Variants in PTGER3 observed in about 807,000 individuals in gnomAD.
PTGER3 encodes prostaglandin E receptor 3.
PTGER3 carries 22 observed loss-of-function variants against 34.7 expected under a neutral mutation model. That is an observed-to-expected ratio of 0.63 (90% CI 0.45 to 0.91). The LOEUF is 0.91. Ranked by LOEUF, PTGER3 falls within the 40% of genes least tolerant of loss-of-function variation. The pLI is 0.00. For missense variants in PTGER3, 468 were observed against 519.4 expected, an observed-to-expected ratio of 0.90 and a Z score of 0.96; for synonymous variants, 241 against 230.1, an observed-to-expected ratio of 1.05 and a Z score of -0.43.
chr1:70,944,241 G>A (rs915317710), intron 4 of PTGER3, among the ~76,000 whole-genome samples: 2 of 152,080 alleles, frequency 1.3e-5, no homozygotes, highest in Non-Finnish European at 2.9e-5. Flanking sequence ...AAGGGACATA[G>A]AGATATATGA....
At chr1:70,952,881 G>T (rs764892957) in exon 4 of PTGER3, 2 of 1,566,290 alleles carry the variant, frequency 1.3e-6, no homozygotes, top group Non-Finnish European at 1.7e-6. Context: ...TTAAAACACA[G>T]CACTCCTGTA....
intron 4 of PTGER3, among the ~76,000 whole-genome samples, chr1:70,868,543 T>C (rs1646094379): frequency 6.6e-6 from 1 of 152,170 alleles, no homozygotes. Context: ...GAAGCTTGTG[T>C]GCAGGTAGAA....
chr1:70,910,834 G>A (rs948878566), intron 4 of PTGER3, among the ~76,000 whole-genome samples: 1 of 152,158 alleles, frequency 6.6e-6, no homozygotes, highest in African/African-American at 2.4e-5. Context: ...TGTAATCCCA[G>A]CACTTTGGGA....
At chr1:70,886,164 T>G (rs1229074928) in intron 4 of PTGER3, 6 of 326,462 alleles carry the variant, frequency 1.8e-5, no homozygotes, top group South Asian at 9.3e-5. Flanking sequence ...ATAATGGGAT[T>G]AATGCCCTTT....
intron 2 of PTGER3, among the ~76,000 whole-genome samples, chr1:70,986,394 C>T (rs1402165798): frequency 1.3e-5 from 2 of 152,110 alleles, no homozygotes; most frequent in African/African-American, 4.8e-5. Flanking sequence ...GGATTGGGAC[C>T]CCTTTCCTGT....
At chr1:70,997,729 T>TA in intron 2 of PTGER3, among the ~76,000 whole-genome samples, 1 of 152,304 alleles carries the variant, frequency 6.6e-6, no homozygotes, top group East Asian at 1.9e-4. Flanking sequence ...TAGTGACACA[T>TA]AAAGCAGAAT....
intron 4 of PTGER3, among the ~76,000 whole-genome samples, chr1:70,917,723 C>T (rs1373522926): frequency 6.6e-6 from 1 of 151,534 alleles, no homozygotes; most frequent in Non-Finnish European, 1.5e-5. Flanking sequence ...TATTTTTTGC[C>T]TTTTTGATAA....
intron 4 of PTGER3, among the ~76,000 whole-genome samples, chr1:70,856,124 A>G (rs1645797442): frequency 6.6e-6 from 1 of 152,196 alleles, no homozygotes. Context: ...AAATGCTTGT[A>G]GACTTCCAAG....
chr1:70,950,692 C>A (rs1053338281), downstream of PTGER3: 2 of 152,128 alleles, frequency 1.3e-5, no homozygotes, highest in Non-Finnish European at 2.9e-5. Flanking sequence ...TCCAGCATTT[C>A]ATGCTATTCT....
At chr1:70,862,314 C>T (rs1572481441) in intron 4 of PTGER3, 1 of 1,357,788 alleles carries the variant, frequency 7.4e-7, no homozygotes, top group Non-Finnish European at 9.9e-7. Flanking sequence ...CATCTGCTGT[C>T]AAAATAGTTC....
At chr1:71,006,978 G>A (rs1657024651) in intron 2 of PTGER3, 6 of 985,380 alleles carry the variant, frequency 6.1e-6, no homozygotes, top group Non-Finnish European at 7.2e-6. Context: ...CTTTTCATAC[G>A]CTCTTTTATT....
chr1:70,921,381 T>A (rs1029505313), intron 4 of PTGER3, among the ~76,000 whole-genome samples: 1 of 152,188 alleles, frequency 6.6e-6, no homozygotes, highest in Non-Finnish European at 1.5e-5. Context: ...GGCAATGCTT[T>A]TCTTTCTCTC....
intron 4 of PTGER3, among the ~76,000 whole-genome samples, chr1:70,870,654 T>A (rs1646143233): frequency 6.6e-6 from 1 of 152,238 alleles, no homozygotes; most frequent in East Asian, 1.9e-4. Context: ...AACAATTTGC[T>A]GCTTAGAAAT....
At chr1:70,862,472 A>G in intron 4 of PTGER3, 1 of 890,536 alleles carries the variant, frequency 1.1e-6, no homozygotes, top group East Asian at 5.1e-5. Context: ...AAGTGAATGG[A>G]TAATTTGGAT....
At chr1:70,892,699 G>C (rs1022467815) in intron 4 of PTGER3, among the ~76,000 whole-genome samples, 1 of 151,880 alleles carries the variant, frequency 6.6e-6, no homozygotes, top group African/African-American at 2.4e-5. Context: ...AAATTAGCTG[G>C]GTGTGGTGGG....
intron 2 of PTGER3, among the ~76,000 whole-genome samples, chr1:70,978,841 C>T (rs1230565726): frequency 2.0e-5 from 3 of 152,058 alleles, no homozygotes; most frequent in East Asian, 1.9e-4. Context: ...TAAAAGGAGC[C>T]TTGGAGATGA....
intron 2 of PTGER3, among the ~76,000 whole-genome samples, chr1:70,983,294 A>AAAAC (rs5775040): frequency 6.6e-6 from 1 of 151,502 alleles, no homozygotes; most frequent in African/African-American, 2.4e-5. Context: ...GAAAAAAAAA[A>AAAAC]CAACGGAACT....
At chr1:70,934,721 ATAAG>A (rs1649041346) in intron 4 of PTGER3, among the ~76,000 whole-genome samples, 1 of 152,216 alleles carries the variant, frequency 6.6e-6, no homozygotes, top group Non-Finnish European at 1.5e-5. Flanking sequence ...ATGTGAAGAT[ATAAG>A]TGAGTGTGAT....
At chr1:70,912,514 T>C (rs544110536) in intron 4 of PTGER3, among the ~76,000 whole-genome samples, 1 of 152,182 alleles carries the variant, frequency 6.6e-6, no homozygotes, top group South Asian at 2.1e-4. Context: ...GACTATCATA[T>C]ACACATAACA....
Sources: allele counts gnomAD v4.1 joint callset (sites outside exome capture counted in the v4.1 genomes callset), GRCh38; gene constraint gnomAD v4.1.1; transcripts MANE v1.5; gene names NCBI Gene and HGNC (gene_info 2026-07-23, HGNC 2026-07-21).